The following ROBO1 variants were observed in gnomAD, a reference collection of about 807,000 sequenced individuals.
ROBO1 encodes roundabout homolog 1.
In ROBO1, 149 loss-of-function variants were observed where a neutral mutation model predicts 195.9. That is an observed-to-expected ratio of 0.76 (90% CI 0.67 to 0.87). The LOEUF is 0.87. Ranked by LOEUF, ROBO1 falls within the 40% of genes least tolerant of loss-of-function variation. The pLI, the probability that ROBO1 is intolerant of heterozygous loss-of-function variation, is 0.00. For synonymous variants in ROBO1, 816 were observed against 733.2 expected (o/e 1.11, Z -1.82); for missense variants, 1,933 against 2,068.3 (o/e 0.93, Z 1.27).
intron 1 of ROBO1, among the ~76,000 whole-genome samples, chr3:79,753,800 T>A (rs903259270): frequency 2.6e-5 from 4 of 151,988 alleles, no homozygotes; most frequent in African/African-American, 9.7e-5. Flanking sequence ...TTGGAGAAAA[T>A]CTGGGAGAGA....
intron 29 of ROBO1, among the ~76,000 whole-genome samples, chr3:78,606,286 T>A (rs1428226500): frequency 1.3e-5 from 2 of 152,092 alleles, no homozygotes; most frequent in Admixed American, 1.3e-4. Flanking sequence ...CATCCTCCCA[T>A]CTCAGCCTCC....
chr3:78,693,217 TG>T, intron 8 of ROBO1: 1 of 1,221,792 alleles, frequency 8.2e-7, no homozygotes, highest in Non-Finnish European at 1.1e-6. Flanking sequence ...TCTGTCTTTG[TG>T]GCCAATGACA....
chr3:79,284,078 GTATATATATGCA>G (rs1238057301), intron 2 of ROBO1, among the ~76,000 whole-genome samples: 1 of 151,816 alleles, frequency 6.6e-6, no homozygotes, highest in Non-Finnish European at 1.5e-5. Flanking sequence ...AGGCCTATAT[GTATATATATGCA>G]TGTATATATA....
intron 4 of ROBO1, among the ~76,000 whole-genome samples, chr3:78,840,690 T>C (rs1486721015): frequency 6.6e-6 from 1 of 152,150 alleles, no homozygotes; most frequent in African/African-American, 2.4e-5. Context: ...ACAGTTAACA[T>C]AGAAAGTCAA....
At chr3:78,974,377 G>A (rs991490021) in intron 3 of ROBO1, among the ~76,000 whole-genome samples, 9 of 152,128 alleles carry the variant, frequency 5.9e-5, no homozygotes, top group Non-Finnish European at 8.8e-5. Context: ...GATGGAATGT[G>A]TTTCAATTGA....
intron 2 of ROBO1, among the ~76,000 whole-genome samples, chr3:79,330,669 G>T (rs554241482): frequency 6.2e-4 from 48 of 77,530 alleles, no homozygotes; most frequent in Middle Eastern, 0.018. Context: ...CTGGAACTTA[G>T]GGAAAAAAAA....
At chr3:79,473,309 G>T (rs1183435462) in intron 2 of ROBO1, among the ~76,000 whole-genome samples, 1 of 152,080 alleles carries the variant, frequency 6.6e-6, no homozygotes, top group Non-Finnish European at 1.5e-5. Flanking sequence ...AGGGTTGCCA[G>T]CAGCCACTGG....
chr3:79,420,691 T>A (rs2038188128), intron 2 of ROBO1, among the ~76,000 whole-genome samples: 1 of 152,124 alleles, frequency 6.6e-6, no homozygotes, highest in African/African-American at 2.4e-5. Context: ...CACCTGACCC[T>A]TGAGGTTGGA....
At chr3:79,163,982 A>G (rs1169479193) in intron 2 of ROBO1, among the ~76,000 whole-genome samples, 1 of 152,176 alleles carries the variant, frequency 6.6e-6, no homozygotes, top group Non-Finnish European at 1.5e-5. Flanking sequence ...GTAAAAATGT[A>G]CCAGTAAGAT....
rs1282922187 is a variant in ROBO1 at position 78,635,981 on chromosome 3, G to A, written c.3165C>T (p.Ser1055=). 1 of 1,613,838 alleles carries A rather than the reference G, an allele frequency of 6.2e-7. No individual in the cohort carries two copies. Among genetic ancestry groups the A allele is most frequent in the Non-Finnish European group, 8.5e-7 (1 of 1,179,830 alleles). Reference sequence around the variant, plus strand: ...CAAAACGCCCATCCTTCAGATTTGGGCTATTGAAGGTTTTCATCTCATTGA... The same window carrying A: ...CAAAACGCCCATCCTTCAGATTTGGACTATTGAAGGTTTTCATCTCATTGA... The part of the protein sequence containing the change: ...NKINEMKTFN[S]PNLKDGRFVN... Residue 1055 remains serine, a synonymous_variant, in exon 23 of 31, where the codon AGC becomes AGT. Coordinates refer to ENST00000464233, the MANE Select transcript of ROBO1 (RefSeq NM_002941.4).
At chr3:79,327,606 T>C (rs1458909391) in intron 2 of ROBO1, among the ~76,000 whole-genome samples, 1 of 151,990 alleles carries the variant, frequency 6.6e-6, no homozygotes, top group Non-Finnish European at 1.5e-5. Context: ...TATATATATG[T>C]CTGAAGAACA....
At chr3:78,755,112 T>G (rs1026028831) in intron 4 of ROBO1, among the ~76,000 whole-genome samples, 1 of 152,140 alleles carries the variant, frequency 6.6e-6, no homozygotes, top group Non-Finnish European at 1.5e-5. Context: ...AGTGTTATAA[T>G]GAAATTCTCA....
At chr3:79,536,071 A>G (rs542133564) in intron 2 of ROBO1, among the ~76,000 whole-genome samples, 1 of 152,164 alleles carries the variant, frequency 6.6e-6, no homozygotes, top group East Asian at 1.9e-4. Flanking sequence ...AAACCGCTAC[A>G]TAATATCTCT....
chr3:78,951,488 A>T (rs1170733572), intron 3 of ROBO1, among the ~76,000 whole-genome samples: 1 of 152,032 alleles, frequency 6.6e-6, no homozygotes, highest in African/African-American at 2.4e-5. Context: ...TGCATAGTAA[A>T]CCTAATAGTT....
chr3:79,197,297 T>C (rs2081656627), intron 2 of ROBO1, among the ~76,000 whole-genome samples: 1 of 152,008 alleles, frequency 6.6e-6, no homozygotes, highest in Non-Finnish European at 1.5e-5. Flanking sequence ...GGTTTGGTTT[T>C]CTGTCCTTGT....
chr3:79,061,707 A>G (rs1171784482), intron 3 of ROBO1, among the ~76,000 whole-genome samples: 2 of 152,112 alleles, frequency 1.3e-5, no homozygotes, highest in African/African-American at 2.4e-5. Context: ...CACATCTACA[A>G]CCATCTGACC....
chr3:79,513,597 T>C (rs149520171), intron 2 of ROBO1, among the ~76,000 whole-genome samples: 1 of 152,262 alleles, frequency 6.6e-6, no homozygotes, highest in East Asian at 1.9e-4. Flanking sequence ...TGACATCTTT[T>C]ATAGAGCGAT....
At chr3:79,192,373 G>A (rs575015233) in intron 2 of ROBO1, among the ~76,000 whole-genome samples, 1 of 151,778 alleles carries the variant, frequency 6.6e-6, no homozygotes, top group Admixed American at 6.6e-5. Context: ...TCTACAGTAA[G>A]TGACTGATAT....
In ROBO1 at chr3:79,247,569, G is replaced by A. The variant is rs144913664; in HGVS notation, c.89-122030C>T. Among the ~76,000 whole-genome samples the A allele has an allele frequency of 4.7e-3, 711 of 151,822 alleles. 5 individuals are homozygous for A. The highest frequency in any genetic ancestry group is 0.016 in the African/African-American group (683 of 41,406). On this transcript the variant is annotated intron_variant, in intron 2 of 30. Transcript: ENST00000464233. ...CAGCGAGAGAAGGAAAAGCAATAACGGAATCTCCCCAACTTGCTTTGCTAC... is the reference window on the plus strand; with the variant it reads ...CAGCGAGAGAAGGAAAAGCAATAACAGAATCTCCCCAACTTGCTTTGCTAC...
Sources: gnomAD v4.1 joint callset for allele counts (sites outside exome capture counted in the v4.1 genomes callset) on GRCh38, gnomAD v4.1.1 for gene constraint, MANE v1.5 for transcripts, NCBI Gene and HGNC (gene_info 2026-07-23, HGNC 2026-07-21) for gene names.